Variants in PTPRJ observed in about 807,000 individuals in gnomAD.
The protein encoded by PTPRJ is protein tyrosine phosphatase receptor type J.
In PTPRJ, 129 loss-of-function variants were observed where a neutral mutation model predicts 141.3. That is an observed-to-expected ratio of 0.91 (90% CI 0.79 to 1.06). The LOEUF (loss-of-function observed/expected upper bound fraction) is 1.06, where lower values mean the gene tolerates loss of function less well. Ranked by LOEUF, PTPRJ falls within the 50% of genes least tolerant of loss-of-function variation. PTPRJ has a pLI of 0.00. For missense variants in PTPRJ, 1,601 were observed against 1,679.7 expected, an observed-to-expected ratio of 0.95 and a Z score of 0.82; for synonymous variants, 610 against 640.5, an observed-to-expected ratio of 0.95 and a Z score of 0.72.
chr11:48,023,091 G>C (rs765833767), intron 1 of PTPRJ, among the ~76,000 whole-genome samples: 1 of 152,182 alleles, frequency 6.6e-6, no homozygotes, highest in Non-Finnish European at 1.5e-5. Context: ...GTTATAAAGT[G>C]TCAAGATCCT....
chr11:48,061,952 T>G (rs1377080670), intron 1 of PTPRJ, among the ~76,000 whole-genome samples: 1 of 148,816 alleles, frequency 6.7e-6, no homozygotes, highest in Non-Finnish European at 1.5e-5. Flanking sequence ...GATCTCACCC[T>G]GTTGCCCAGA....
chr11:48,052,794 A>G (rs1166619529), intron 1 of PTPRJ, among the ~76,000 whole-genome samples: 1 of 152,060 alleles, frequency 6.6e-6, no homozygotes, highest in Non-Finnish European at 1.5e-5. Context: ...GGGAAGTAGT[A>G]CCAAAAATCT....
intron 1 of PTPRJ, among the ~76,000 whole-genome samples, chr11:48,099,073 G>A (rs546438953): frequency 3.3e-5 from 5 of 152,304 alleles, no homozygotes; most frequent in African/African-American, 7.2e-5. Context: ...GGGGAAGATC[G>A]AAATTTAGCT....
Position 48,150,183 on chromosome 11 carries a change from A to C in PTPRJ, c.3138A>C (p.Glu1046Asp), listed in dbSNP as rs777671930. ...DSNCGFAEEY[E>D]DLKLVGISQP... ...ACTGTGGGTTCGCAGAGGAATACGA[A>C]GTATGTTGCTGTAAATACTGTTTTT... Residue 1046 changes from glutamate to aspartate, a missense_variant and splice_region_variant, in exon 18 of 25, where the codon GAA (glutamate) becomes GAC (aspartate). By Grantham distance (45) the Glu-to-Asp change is conservative (BLOSUM62 2). Transcript: ENST00000418331. 6.2e-7 allele frequency: 1 copy of C among 1,613,128 alleles called. No individual in the cohort carries two copies. Among genetic ancestry groups the C allele is most frequent in the Non-Finnish European group, 8.5e-7 (1 of 1,179,198 alleles).
At chr11:48,106,763 CTTT>C (rs35643138) in intron 1 of PTPRJ, among the ~76,000 whole-genome samples, 3,911 of 86,156 alleles carry the variant, frequency 0.045, 57 homozygotes, top group Non-Finnish European at 0.052. Context: ...TTCTTTCTTT[CTTT>C]TTTTTTTTTT....
intron 1 of PTPRJ, among the ~76,000 whole-genome samples, chr11:48,011,066 C>G (rs1281696424): frequency 6.6e-6 from 1 of 152,042 alleles, no homozygotes; most frequent in Non-Finnish European, 1.5e-5. Flanking sequence ...CAGTGGTGGT[C>G]CCTACTGCCT....
Position 48,053,753 on chromosome 11 carries a change from T to G in PTPRJ, c.97-56305T>G, listed in dbSNP as rs374608879. Among the ~76,000 whole-genome samples, 16 of 146,938 alleles carry G rather than the reference T, an allele frequency of 1.1e-4. No homozygotes were observed. In the East Asian group the frequency reaches 2.9e-3, roughly 26 times the overall value. Reference sequence around the variant, plus strand: ...CACCATGCCTGGATAATTTTTGTACTTTTAGTAGAGGCAGGGTTTCACCAT... The same window carrying G: ...CACCATGCCTGGATAATTTTTGTACGTTTAGTAGAGGCAGGGTTTCACCAT... On this transcript the variant is annotated intron_variant, in intron 1 of 24. Transcript: ENST00000418331.
intron 1 of PTPRJ, among the ~76,000 whole-genome samples, chr11:48,088,592 G>A (rs967792723): frequency 5.3e-5 from 8 of 152,206 alleles, no homozygotes; most frequent in Non-Finnish European, 1.2e-4. Flanking sequence ...GCCCACCTTT[G>A]CTCTTGGTGT....
At chr11:48,149,202 A>G (rs1565328011) in intron 15 of PTPRJ, among the ~76,000 whole-genome samples, 1 of 152,206 alleles carries the variant, frequency 6.6e-6, no homozygotes, top group South Asian at 2.1e-4. Context: ...TGACTTGGAT[A>G]TGATTTTTTT....
In PTPRJ at chr11:48,089,091, A is replaced by G. The variant is rs956487135; in HGVS notation, c.97-20967A>G. Reference sequence around the variant, plus strand: ...GTTGTCTTTAAGAACCACTTTGAACATTTTTGCTTTGGTTATTTATTCATA... The same window carrying G: ...GTTGTCTTTAAGAACCACTTTGAACGTTTTTGCTTTGGTTATTTATTCATA... On this transcript the variant is annotated intron_variant, in intron 1 of 24. Transcript: ENST00000418331. Among the ~76,000 whole-genome samples the G allele has an allele frequency of 2.6e-5, 4 of 152,106 alleles. No homozygotes were observed. In the East Asian group the frequency reaches 5.8e-4, roughly 22 times the overall value.
chr11:48,133,744 TTCA>T (rs1257383999), intron 8 of PTPRJ, among the ~76,000 whole-genome samples: 1 of 152,168 alleles, frequency 6.6e-6, no homozygotes, highest in East Asian at 1.9e-4. Context: ...TAAAATGTGG[TTCA>T]TCCATACAAC....
chr11:48,098,709 C>T lies in PTPRJ; in HGVS notation c.97-11349C>T, dbSNP rs1360514335. Among the ~76,000 whole-genome samples, 2 of 34,734 alleles carry T rather than the reference C, an allele frequency of 5.8e-5. 1 individual carries two copies. The highest frequency in any genetic ancestry group is 8.8e-4 in the Admixed American group (2 of 2,278). The allele number at this position is 34,734 out of a possible 152,430, so 22.8% of individuals were successfully genotyped here. A position where few individuals can be genotyped will look rare whatever the true frequency, so the allele number is the denominator to read the frequency against. ...CTAATTTTTGTATTTTTAGTAGAGACGGGGTTTCACCGTGTTAGCCAGGAT... is the reference window on the plus strand; with the variant it reads ...CTAATTTTTGTATTTTTAGTAGAGATGGGGTTTCACCGTGTTAGCCAGGAT... On this transcript the variant is annotated intron_variant, in intron 1 of 24. Transcript: ENST00000418331.
intron 1 of PTPRJ, among the ~76,000 whole-genome samples, chr11:48,058,098 G>A (rs1235669589): frequency 6.6e-6 from 1 of 152,076 alleles, no homozygotes; most frequent in Non-Finnish European, 1.5e-5. Flanking sequence ...TTTTAGTAGA[G>A]ATAGGCTTTC....
Position 48,163,614 on chromosome 11 carries a change from T to G in PTPRJ, c.3715T>G (p.Cys1239Gly), listed in dbSNP as rs1254287784. ...SPPESPILVH[C>G]SAGVGRTGTF... Reference sequence around the variant, plus strand: ...TCCCGAATCGCCGATTCTGGTGCATTGCAGGTACGCAGATGGCACGTCACG... The same window carrying G: ...TCCCGAATCGCCGATTCTGGTGCATGGCAGGTACGCAGATGGCACGTCACG... The change falls in exon 23 of 25, where the codon TGC becomes GGC. Residue 1239 changes from cysteine to glycine, a missense_variant. Cys to Gly is a radical substitution (Grantham distance 159). Transcript: ENST00000418331. 1.2e-6 allele frequency: 2 copies of G among 1,612,622 alleles called. No individual in the cohort carries two copies. Among genetic ancestry groups the G allele is most frequent in the Non-Finnish European group, 1.7e-6 (2 of 1,178,682 alleles).
At chr11:48,019,944 A>G (rs1250874850) in intron 1 of PTPRJ, among the ~76,000 whole-genome samples, 1 of 152,228 alleles carries the variant, frequency 6.6e-6, no homozygotes, top group African/African-American at 2.4e-5. Context: ...TTAAAGGAAA[A>G]GGAACTGTGT....
chr11:48,022,056 T>C (rs1855138611), intron 1 of PTPRJ, among the ~76,000 whole-genome samples: 1 of 152,166 alleles, frequency 6.6e-6, no homozygotes, highest in Non-Finnish European at 1.5e-5. Flanking sequence ...CTCTGTAAAA[T>C]GGAGATAATA....
intron 1 of PTPRJ, among the ~76,000 whole-genome samples, chr11:48,051,589 A>T (rs943676531): frequency 6.6e-6 from 1 of 152,334 alleles, no homozygotes; most frequent in Admixed American, 6.5e-5. Context: ...TATGTTAATG[A>T]TAACTAAGAG....
rs367751542 is a variant in PTPRJ, at chr11:48,098,803, G to A, written c.97-11255G>A. On this transcript the variant is annotated intron_variant, in intron 1 of 24. Coordinates refer to ENST00000418331, the MANE Select transcript of PTPRJ (RefSeq NM_002843.4). Reference sequence around the variant, plus strand: ...CAAAGTGCTGGGATTACAGGCGTGAGCCACCGCGCCCGGCCTTTATCTCTT... The same window carrying A: ...CAAAGTGCTGGGATTACAGGCGTGAACCACCGCGCCCGGCCTTTATCTCTT... Among the ~76,000 whole-genome samples the A allele has an allele frequency of 5.6e-4, 9 of 15,952 alleles. 4 individuals are homozygous for A. In the Admixed American group the frequency reaches 5.8e-3, roughly 10 times the overall value. The allele number at this position is 15,952 out of a possible 152,430, so 10.5% of individuals were successfully genotyped here. A position where few individuals can be genotyped will look rare whatever the true frequency, so the allele number is the denominator to read the frequency against.
At chr11:48,121,616 G>T (rs1269195550) in intron 4 of PTPRJ, among the ~76,000 whole-genome samples, 1 of 152,188 alleles carries the variant, frequency 6.6e-6, no homozygotes, top group Non-Finnish European at 1.5e-5. Context: ...AATTGATGCT[G>T]TGTTTATATT....
Sources: gnomAD v4.1 joint callset for allele counts (sites outside exome capture counted in the v4.1 genomes callset) on GRCh38, gnomAD v4.1.1 for gene constraint, MANE v1.5 for transcripts, NCBI Gene and HGNC (gene_info 2026-07-23, HGNC 2026-07-21) for gene names.